Variants in SH3RF3 observed in about 807,000 individuals in gnomAD.
The protein encoded by SH3RF3 is E3 ubiquitin-protein ligase SH3RF3.
In SH3RF3, 29 loss-of-function variants were observed where a neutral mutation model predicts 66.3. That is an observed-to-expected ratio of 0.44 (90% CI 0.33 to 0.60). SH3RF3 has a LOEUF of 0.60. Ranked by LOEUF, SH3RF3 falls within the 20% of genes least tolerant of loss-of-function variation. SH3RF3 has a pLI of 0.04. For synonymous variants in SH3RF3, 583 were observed against 532.0 expected (o/e 1.10, Z -1.32); for missense variants, 1,194 against 1,190.9 (o/e 1.00, Z -0.04).
rs1322375931 is a variant in SH3RF3, at chr2:109,309,486, A to G, written c.574-38188A>G. 1.5e-5 allele frequency among the ~76,000 whole-genome samples: 2 copies of G among 129,516 alleles called. 1 individual carries two copies. The allele number at this position is 129,516 out of a possible 152,430, so 85.0% of individuals were successfully genotyped here. On this transcript the variant is annotated intron_variant, in intron 1 of 9. Coordinates refer to ENST00000309415, the MANE Select transcript of SH3RF3 (RefSeq NM_001099289.3). ...AGCTAACATCATAATGACAGGATCA[A>G]ATTCACACATAACAATATTAACTTT...
intron 1 of SH3RF3, among the ~76,000 whole-genome samples, chr2:109,325,269 G>A (rs559474880): frequency 4.7e-5 from 7 of 150,410 alleles, no homozygotes; most frequent in East Asian, 3.9e-4. Flanking sequence ...CCAAGAAATC[G>A]TAGAATCCCA....
At chr2:109,425,519 G>A (rs1325403775) in intron 5 of SH3RF3, among the ~76,000 whole-genome samples, 1 of 152,210 alleles carries the variant, frequency 6.6e-6, no homozygotes, top group Non-Finnish European at 1.5e-5. Flanking sequence ...TGCAGCTGGT[G>A]ACTCTAAGTG....
At position 109,129,581 on chromosome 2, in the gene SH3RF3, C is replaced by T. The variant is rs1296631807; in HGVS notation, c.41C>T (p.Ala14Val). ...GASWLCASKA[A>V]AAAAQSEGDE... ...TCCTGGCTGTGCGCATCCAAGGCGGCCGCCGCTGCTGCGCAGAGCGAGGGC... is the reference window on the plus strand; with the variant it reads ...TCCTGGCTGTGCGCATCCAAGGCGGTCGCCGCTGCTGCGCAGAGCGAGGGC... Residue 14 changes from alanine (A) to valine (V), a missense_variant, in exon 1 of 10, where the codon GCC (alanine) becomes GTC (valine). Physicochemically the swap from Ala to Val is moderately conservative, Grantham distance 64. Transcript: ENST00000309415. 3 of 1,483,892 alleles carry T rather than the reference C, an allele frequency of 2.0e-6. No individual in the cohort carries two copies. The South Asian group carries it at 3.9e-5, about 19-fold the overall frequency. 91.9% of individuals were successfully genotyped at this position (1,483,892 alleles called of 1,614,324 possible). A position where few individuals can be genotyped will look rare whatever the true frequency, so the allele number is the denominator to read the frequency against.
chr2:109,369,252 G>A (rs1321099578), intron 2 of SH3RF3, among the ~76,000 whole-genome samples: 1 of 152,096 alleles, frequency 6.6e-6, no homozygotes, highest in Non-Finnish European at 1.5e-5. Context: ...AGAGGCTGAG[G>A]CAGGGGGAAT....
chr2:109,236,528 A>G (rs1679654278), intron 1 of SH3RF3, among the ~76,000 whole-genome samples: 1 of 152,164 alleles, frequency 6.6e-6, no homozygotes, highest in African/African-American at 2.4e-5. Flanking sequence ...TAAATGGTAT[A>G]TTTTGTTTTG....
intron 1 of SH3RF3, among the ~76,000 whole-genome samples, chr2:109,228,041 A>G (rs964912066): frequency 2.0e-5 from 3 of 152,034 alleles, no homozygotes; most frequent in African/African-American, 7.2e-5. Flanking sequence ...TATTTGTAGG[A>G]AAGTGATGCC....
chr2:109,369,103 G>T (rs1406357418), intron 2 of SH3RF3, among the ~76,000 whole-genome samples: 1 of 152,102 alleles, frequency 6.6e-6, no homozygotes, highest in Admixed American at 6.6e-5. Flanking sequence ...CCAGCACTTT[G>T]GGAGGCCGAG....
intron 1 of SH3RF3, among the ~76,000 whole-genome samples, chr2:109,287,900 A>G (rs1160667877): frequency 6.6e-6 from 1 of 152,198 alleles, no homozygotes; most frequent in Non-Finnish European, 1.5e-5. Context: ...TAGTGACCCA[A>G]TTAAGTGTGC....
intron 1 of SH3RF3, among the ~76,000 whole-genome samples, chr2:109,216,749 T>G (rs1330900360): frequency 6.6e-6 from 1 of 152,246 alleles, no homozygotes; most frequent in African/African-American, 2.4e-5. Context: ...TGATTTAAAT[T>G]GGCATACAAA....
At chr2:109,181,923 A>G (rs1233347606) in intron 1 of SH3RF3, among the ~76,000 whole-genome samples, 1 of 151,950 alleles carries the variant, frequency 6.6e-6, no homozygotes, top group Non-Finnish European at 1.5e-5. Context: ...CTGTAGTTAT[A>G]TTGCCATGGC....
chr2:109,266,427 C>T (rs1009344852), intron 1 of SH3RF3, among the ~76,000 whole-genome samples: 4 of 152,108 alleles, frequency 2.6e-5, no homozygotes, highest in Admixed American at 2.6e-4. Context: ...CTCGCAGGAA[C>T]AAGTCTGAGG....
chr2:109,367,419 C>T (rs1004945254), intron 2 of SH3RF3, among the ~76,000 whole-genome samples: 3 of 152,098 alleles, frequency 2.0e-5, no homozygotes, highest in South Asian at 2.1e-4. Flanking sequence ...GTAGCTGGGA[C>T]TACAGGCACA....
At chr2:109,236,229 C>T (rs1294636938) in intron 1 of SH3RF3, among the ~76,000 whole-genome samples, 1 of 152,208 alleles carries the variant, frequency 6.6e-6, no homozygotes, top group Non-Finnish European at 1.5e-5. Flanking sequence ...ATGTAATATA[C>T]TTGCCTTTGG....
intron 8 of SH3RF3, among the ~76,000 whole-genome samples, chr2:109,453,649 T>C (rs1677953152): frequency 6.6e-6 from 1 of 152,208 alleles, no homozygotes; most frequent in Non-Finnish European, 1.5e-5. Flanking sequence ...CATGAGGATG[T>C]ACCTGGCAGA....
chr2:109,445,760 G>A (rs1346492364), intron 7 of SH3RF3, among the ~76,000 whole-genome samples: 1 of 152,036 alleles, frequency 6.6e-6, no homozygotes, highest in Non-Finnish European at 1.5e-5. Context: ...TAGAGAGGGG[G>A]GTTGGCTTGG....
At chr2:109,364,582 T>C (rs542947651) in intron 2 of SH3RF3, among the ~76,000 whole-genome samples, 57 of 152,362 alleles carry the variant, frequency 3.7e-4, no homozygotes, top group African/African-American at 1.3e-3. Flanking sequence ...AAAGAACTGC[T>C]GTAAATAGGC....
rs139235446 is a variant in SH3RF3 at position 109,332,175 on chromosome 2, C to G, written c.574-15499C>G. On this transcript the variant is annotated intron_variant, in intron 1 of 9. Coordinates refer to ENST00000309415, the MANE Select transcript of SH3RF3 (RefSeq NM_001099289.3). ...TTTACCCATGAGAGGGAAGCATCTG[C>G]GGCCCGGAGCCCTCTGCAAGCTGCC... Among the ~76,000 whole-genome samples, 921 of 152,254 alleles carry G rather than the reference C, an allele frequency of 6.0e-3. 4 individuals carry two copies. Among genetic ancestry groups the G allele is most frequent in the South Asian group, 0.011 (52 of 4,820 alleles).
intron 8 of SH3RF3, among the ~76,000 whole-genome samples, chr2:109,471,068 A>G (rs1678489926): frequency 6.6e-6 from 1 of 152,020 alleles, no homozygotes; most frequent in Non-Finnish European, 1.5e-5. Context: ...AAAAACACAA[A>G]AATTAGTTGG....
chr2:109,431,409 C>T (rs1315756510), intron 5 of SH3RF3, among the ~76,000 whole-genome samples: 1 of 152,198 alleles, frequency 6.6e-6, no homozygotes, highest in African/African-American at 2.4e-5. Context: ...ACCAACCTTC[C>T]CCAAATCCCA....
Sources: allele counts gnomAD v4.1 joint callset (sites outside exome capture counted in the v4.1 genomes callset), GRCh38; gene constraint gnomAD v4.1.1; transcripts MANE v1.5; gene names NCBI Gene and HGNC (gene_info 2026-07-23, HGNC 2026-07-21).